CEP128: variants seen among roughly 807,000 people sequenced by gnomAD.
CEP128 encodes centrosomal protein 128.
Under a neutral mutation model 156.7 loss-of-function variants are expected in CEP128, and 132 were observed. The observed-to-expected ratio is 0.84, with a 90% CI of 0.73 to 0.97. The LOEUF (loss-of-function observed/expected upper bound fraction) is 0.97. Among genes scored for constraint, CEP128 ranks in the 50% least tolerant of loss-of-function variants. CEP128 has a pLI of 0.00. For synonymous variants in CEP128, 469 were observed against 448.9 expected (o/e 1.04, Z -0.57); for missense variants, 1,252 against 1,281.9 (o/e 0.98, Z 0.36).
At chr14:80,740,074 A>G (rs985116172) in intron 19 of CEP128, among the ~76,000 whole-genome samples, 1 of 152,090 alleles carries the variant, frequency 6.6e-6, no homozygotes, top group Non-Finnish European at 1.5e-5. Context: ...TTGGGGAAAA[A>G]CTATGCTTTC....
chr14:80,539,486 G>A lies in CEP128; in HGVS notation c.2881-8600C>T, dbSNP rs1005110635. Reference sequence around the variant, plus strand: ...AAATAATACTCTTATAATTTATTACGCCTATCTTTACTTTAATCTCTTAAT... The same window carrying A: ...AAATAATACTCTTATAATTTATTACACCTATCTTTACTTTAATCTCTTAAT... On this transcript the variant is annotated intron_variant, in intron 21 of 24. Transcript: ENST00000555265. 1.1e-4 allele frequency among the ~76,000 whole-genome samples: 17 copies of A among 152,260 alleles called. 1 individual carries two copies. Among genetic ancestry groups the A allele is most frequent in the East Asian group, 3.9e-4 (2 of 5,188 alleles).
In CEP128 at chr14:80,526,744, T is replaced by A. The variant is rs1298167140; in HGVS notation, c.3072+125A>T. ...TCCACAGAATTGAAAGTCTATTTAATATATCAAGGAAAATATTTTCTTTCA... is the reference window on the plus strand; with the variant it reads ...TCCACAGAATTGAAAGTCTATTTAAAATATCAAGGAAAATATTTTCTTTCA... On this transcript the variant is annotated intron_variant, in intron 23 of 24. Coordinates refer to ENST00000555265, the MANE Select transcript of CEP128 (RefSeq NM_152446.5). 1.7e-5 allele frequency: 9 copies of A among 541,344 alleles called. No individual in the cohort carries two copies. The African/African-American group carries it at 1.7e-4, about 10-fold the overall frequency. The allele number at this position is 541,344 out of a possible 1,614,324, so 33.5% of individuals were successfully genotyped here.
intron 16 of CEP128, among the ~76,000 whole-genome samples, chr14:80,764,241 G>A (rs1900119431): frequency 6.6e-6 from 1 of 152,176 alleles, no homozygotes; most frequent in South Asian, 2.1e-4. Flanking sequence ...GCTCACGCCT[G>A]TAATCCCAGC....
At chr14:80,914,242 A>T in intron 4 of CEP128, 80 bp downstream of exon 4, 2 of 944,552 alleles carry the variant, frequency 2.1e-6, no homozygotes, top group Admixed American at 3.8e-5. Flanking sequence ...TTTTTCCTTT[A>T]GCTCACAGCC....
intron 16 of CEP128, among the ~76,000 whole-genome samples, chr14:80,768,054 T>C (rs749101938): frequency 2.0e-4 from 31 of 152,206 alleles, no homozygotes; most frequent in Non-Finnish European, 4.0e-4. Context: ...TTTTATGTTC[T>C]ACTCATTGAC....
intron 14 of CEP128, among the ~76,000 whole-genome samples, chr14:80,478,854 A>T (rs970224063): frequency 6.6e-6 from 1 of 152,254 alleles, no homozygotes; most frequent in Non-Finnish European, 1.5e-5. Context: ...AAATTAATGC[A>T]ATCTAACAGA....
intron 16 of CEP128, among the ~76,000 whole-genome samples, chr14:80,761,824 G>A (rs1899986824): frequency 6.6e-6 from 1 of 152,012 alleles, no homozygotes; most frequent in South Asian, 2.1e-4. Context: ...GGGAACTGGT[G>A]AGAAGATATC....
intron 19 of CEP128, among the ~76,000 whole-genome samples, chr14:80,708,993 C>T (rs981202911): frequency 1.3e-5 from 2 of 151,708 alleles, no homozygotes; most frequent in African/African-American, 4.8e-5. Context: ...CTATTCTGTT[C>T]TAGTAGTCCT....
At chr14:80,566,336 ATT>A (rs1233320039) in intron 20 of CEP128, among the ~76,000 whole-genome samples, 2 of 152,168 alleles carry the variant, frequency 1.3e-5, no homozygotes, top group Non-Finnish European at 2.9e-5. Context: ...CGTTTTAAAA[ATT>A]TGTCAGTCAT....
At chr14:80,638,838 AT>A (rs1376000027) in intron 19 of CEP128, among the ~76,000 whole-genome samples, 1 of 152,184 alleles carries the variant, frequency 6.6e-6, no homozygotes, top group Non-Finnish European at 1.5e-5. Flanking sequence ...CTATCTCTGA[AT>A]TTGATCAAGA....
At chr14:80,628,024 A>G (rs1893804823) in intron 19 of CEP128, among the ~76,000 whole-genome samples, 1 of 152,224 alleles carries the variant, frequency 6.6e-6, no homozygotes, top group South Asian at 2.1e-4. Context: ...AAGGCAGTCT[A>G]GCTTCGGGAG....
rs1047510374 is a variant in CEP128 at position 80,743,321 on chromosome 14, T to C, written c.2614-54A>G. The C allele has an allele frequency of 8.5e-6, 11 of 1,299,430 alleles. No homozygotes were observed. In the African/African-American group the frequency reaches 1.5e-4, roughly 18 times the overall value. 80.5% of individuals were successfully genotyped at this position (1,299,430 alleles called of 1,614,324 possible). ...TAAAGAAACTCAGAAAAGAGCAGCA[T>C]TTCAAAACATGAAGAAAAAAATAAG... is the stretch of plus-strand genomic sequence containing the variant. On this transcript the variant is annotated intron_variant, in intron 18 of 24. Coordinates refer to ENST00000555265, the MANE Select transcript of CEP128 (RefSeq NM_152446.5).
rs190675047 is a variant in CEP128, at chr14:80,679,956, C to G, written c.2806+63119G>C. ...CGACACTTAGGGAAAATAGAAAGAACCTACGTTGAAATATTGGGGGTGGGT... is the reference window on the plus strand; with the variant it reads ...CGACACTTAGGGAAAATAGAAAGAAGCTACGTTGAAATATTGGGGGTGGGT... On this transcript the variant is annotated intron_variant, in intron 19 of 24. Coordinates refer to ENST00000555265, the MANE Select transcript of CEP128 (RefSeq NM_152446.5). Among the ~76,000 whole-genome samples the G allele has an allele frequency of 1.3e-4, 20 of 152,280 alleles. No individual in the cohort carries two copies. The East Asian group carries it at 2.3e-3, about 18-fold the overall frequency.
downstream of CEP128, among the ~76,000 whole-genome samples, chr14:80,495,748 T>C (rs2140164330): frequency 6.6e-6 from 1 of 152,264 alleles, no homozygotes; most frequent in African/African-American, 2.4e-5. Context: ...ATGAAGGCCC[T>C]ACTAATACAT....
chr14:80,541,172 TG>T (rs1889739585), intron 21 of CEP128, among the ~76,000 whole-genome samples: 2 of 151,958 alleles, frequency 1.3e-5, no homozygotes, highest in African/African-American at 4.8e-5. Flanking sequence ...GTCAGGAAAA[TG>T]GGAAAACAGT....
intron 21 of CEP128, among the ~76,000 whole-genome samples, chr14:80,553,080 TTTC>T (rs970115747): frequency 3.4e-4 from 27 of 79,000 alleles, no homozygotes; most frequent in East Asian, 8.1e-4. Flanking sequence ...TCTTTCTTTC[TTTC>T]TTTTTTTTAA....
chr14:80,684,144 C>T (rs1171693871), intron 19 of CEP128, among the ~76,000 whole-genome samples: 5 of 151,742 alleles, frequency 3.3e-5, no homozygotes, highest in African/African-American at 1.2e-4. Context: ...AAAGAACCAA[C>T]GGAATGAAAA....
intron 20 of CEP128, among the ~76,000 whole-genome samples, chr14:80,572,309 A>G (rs1201784880): frequency 6.6e-6 from 1 of 152,196 alleles, no homozygotes. Context: ...ATTAGTACTT[A>G]GGATCTCAGA....
At chr14:80,922,550 C>A (rs1884925350) in intron 2 of CEP128, among the ~76,000 whole-genome samples, 1 of 151,882 alleles carries the variant, frequency 6.6e-6, no homozygotes, top group Non-Finnish European at 1.5e-5. Flanking sequence ...TAATGTGTAC[C>A]AACATCACTT....
Sources: allele counts gnomAD v4.1 joint callset (sites outside exome capture counted in the v4.1 genomes callset), GRCh38; gene constraint gnomAD v4.1.1; transcripts MANE v1.5; gene names NCBI Gene and HGNC (gene_info 2026-07-23, HGNC 2026-07-21).